EXD3: variants seen among roughly 807,000 people sequenced by gnomAD.
The protein encoded by EXD3 is exonuclease mut-7 homolog.
EXD3 carries 92 observed loss-of-function variants against 98.0 expected under a neutral mutation model. The observed-to-expected ratio is 0.94, with a 90% CI of 0.79 to 1.12. The LOEUF is 1.12. Among genes scored for constraint, EXD3 ranks in the 50% most tolerant of loss-of-function variants. The pLI, the probability that EXD3 is intolerant of heterozygous loss-of-function variation, is 0.00. For missense variants in EXD3, 1,222 were observed against 1,191.6 expected (o/e 1.03, Z -0.38); for synonymous variants, 569 against 526.0 (o/e 1.08, Z -1.12).
chr9:137,373,057 T>C lies in EXD3; in HGVS notation c.310A>G (p.Lys104Glu), dbSNP rs1014683280. The C allele has an allele frequency of 1.0e-5, 16 of 1,587,246 alleles. No individual in the cohort carries two copies. The highest frequency in any genetic ancestry group is 1.7e-4 in the Middle Eastern group (1 of 5,946). The change falls in exon 5 of 22, where the codon AAG (lysine) becomes GAG (glutamate). Residue 104 changes from lysine (K) to glutamate (E), a missense_variant. Transcript: ENST00000340951. ...TTGACCGCTCGGGCCTGCAGCTGCTTCAGCCTCAGGCTGTGCTGGAAGAGC... is the reference window on the plus strand; with the variant it reads ...TTGACCGCTCGGGCCTGCAGCTGCTCCAGCCTCAGGCTGTGCTGGAAGAGC... ...PSLAQHSLRLKQLQARAVKVL... is the reference protein window; with the variant it reads ...PSLAQHSLRLEQLQARAVKVL...
At chr9:137,330,188 C>T (rs552487212) in intron 17 of EXD3, among the ~76,000 whole-genome samples, 1 of 135,850 alleles carries the variant, frequency 7.4e-6, no homozygotes, top group Non-Finnish European at 1.6e-5. Flanking sequence ...CGGGACTACA[C>T]AGGACTACAC....
intron 17 of EXD3, among the ~76,000 whole-genome samples, chr9:137,341,532 G>A (rs1455268924): frequency 6.7e-6 from 1 of 148,180 alleles, no homozygotes; most frequent in African/African-American, 2.5e-5. Flanking sequence ...CCAGGAGTCA[G>A]AGGAAACGGG....
intron 17 of EXD3, among the ~76,000 whole-genome samples, chr9:137,343,671 C>T (rs1452145214): frequency 7.5e-6 from 1 of 134,000 alleles, no homozygotes; most frequent in African/African-American, 2.8e-5. Context: ...TCACTGCAAG[C>T]TCTGCCTCCC....
intron 6 of EXD3, among the ~76,000 whole-genome samples, chr9:137,366,904 T>G (rs1038486739): frequency 6.6e-6 from 1 of 152,198 alleles, no homozygotes; most frequent in African/African-American, 2.4e-5. Context: ...TCACCAAATG[T>G]GGGGAGGCAG....
chr9:137,404,651 G>C (rs757214358), intron 1 of EXD3, among the ~76,000 whole-genome samples: 2 of 152,136 alleles, frequency 1.3e-5, no homozygotes, highest in Non-Finnish European at 2.9e-5. Context: ...ACCTGAGGTC[G>C]GGAGTTCGAG....
At position 137,324,912 on chromosome 9, in the gene EXD3, T is replaced by G. The variant is rs1226093106; in HGVS notation, c.1999-769A>C. ...TTTCACCGTGTTAGCCAGGATGGTC[T>G]CGATCTCCTGACCTCGTGATCTGCC... On this transcript the variant is annotated intron_variant, in intron 17 of 21. Coordinates refer to ENST00000340951, the MANE Select transcript of EXD3 (RefSeq NM_017820.5). The surrounding 1 kb of genome is among the most constrained non-coding windows in gnomAD (Gnocchi z 4.1). Among the ~76,000 whole-genome samples, 2 of 152,068 alleles carry G rather than the reference T, an allele frequency of 1.3e-5. No individual in the cohort carries two copies. The highest frequency in any genetic ancestry group is 6.6e-5 in the Admixed American group (1 of 15,262).
intron 17 of EXD3, among the ~76,000 whole-genome samples, chr9:137,329,716 A>G (rs111207789): frequency 0.07 from 436 of 6,186 alleles, no homozygotes; most frequent in South Asian, 0.11. Flanking sequence ...ACTACACGGG[A>G]CTACACGGGA....
In EXD3 at chr9:137,371,566, C is replaced by A. The variant is rs956448328; in HGVS notation, c.462+1339G>T. On this transcript the variant is annotated intron_variant, in intron 5 of 21. Transcript: ENST00000340951. This position sits in a 1 kb window ranked among gnomAD's most constrained non-coding sequence, Gnocchi z 8.0. Reference sequence around the variant, plus strand: ...CGTGGGCAGGCAGCGGGGTGGTGGCCTTCACGCTCGGCCCTGAAGTAAGGG... The same window carrying A: ...CGTGGGCAGGCAGCGGGGTGGTGGCATTCACGCTCGGCCCTGAAGTAAGGG... Among the ~76,000 whole-genome samples, 3 of 152,038 alleles carry A rather than the reference C, an allele frequency of 2.0e-5. No individual in the cohort carries two copies. Among genetic ancestry groups the A allele is most frequent in the African/African-American group, 7.2e-5 (3 of 41,402 alleles).
intron 10 of EXD3, chr9:137,353,772 A>T (rs1834441527): frequency 2.0e-6 from 2 of 985,558 alleles, no homozygotes; most frequent in South Asian, 9.4e-5. Flanking sequence ...AAGGGAGGGG[A>T]CCTGCCCAGC....
chr9:137,348,469 G>A (rs961560972), intron 16 of EXD3, among the ~76,000 whole-genome samples: 1 of 147,168 alleles, frequency 6.8e-6, no homozygotes, highest in Admixed American at 6.8e-5. Context: ...TGTGTCTGGG[G>A]TGGCGTGTGT....
At chr9:137,398,817 G>A (rs113868581) in intron 1 of EXD3, among the ~76,000 whole-genome samples, 45 of 126,578 alleles carry the variant, frequency 3.6e-4, no homozygotes, top group Non-Finnish European at 5.7e-4. Context: ...ACAGGCACCC[G>A]CGTCCCCGTG....
chr9:137,327,363 G>A (rs553409345), intron 17 of EXD3, among the ~76,000 whole-genome samples: 15 of 152,228 alleles, frequency 9.9e-5, no homozygotes, highest in African/African-American at 3.6e-4. Context: ...TCGACCTCCT[G>A]ACCTTGTGAT....
chr9:137,351,403 G>C lies in EXD3; in HGVS notation c.1299C>G (p.Leu433=). The C allele has an allele frequency of 6.2e-7, 1 of 1,610,212 alleles. No homozygotes were observed. Among genetic ancestry groups the C allele is most frequent in the Non-Finnish European group, 8.5e-7 (1 of 1,179,072 alleles). ...GHVFLLDVLA[L]SQPPTGQGAQ... is the part of the protein sequence containing the mutation. ...CTCCCTGCCCTGTTGGTGGCTGCGA[G>C]AGTGCCAGGACGTCCAGAAGGAACA... The change falls in exon 13 of 22, where the codon CTC becomes CTG. Residue 433 remains leucine (L), a synonymous_variant. Transcript: ENST00000340951.
At chr9:137,313,162 C>T (rs1470520685) in intron 19 of EXD3, among the ~76,000 whole-genome samples, 2 of 152,122 alleles carry the variant, frequency 1.3e-5, no homozygotes, top group Non-Finnish European at 2.9e-5. Flanking sequence ...AAGAGGAGGG[C>T]GAGACACGAG....
chr9:137,409,611 T>G (rs989953294), intron 1 of EXD3, among the ~76,000 whole-genome samples: 1 of 150,154 alleles, frequency 6.7e-6, no homozygotes, highest in Non-Finnish European at 1.5e-5. Context: ...GAGGGAGCTG[T>G]GTCTACAAAG....
chr9:137,379,584 A>G (rs1836122839), intron 3 of EXD3, among the ~76,000 whole-genome samples: 1 of 151,936 alleles, frequency 6.6e-6, no homozygotes, highest in South Asian at 2.1e-4. Context: ...CTGAAACCAG[A>G]AGAGGTGCAC....
chr9:137,394,702 AGCG>A (rs568022803), intron 2 of EXD3, among the ~76,000 whole-genome samples: 307 of 47,366 alleles, frequency 6.5e-3, no homozygotes, highest in African/African-American at 0.018. Context: ...AGGGCAGCCG[AGCG>A]AGCGGGGATG....
chr9:137,313,603 C>G (rs1455109283), intron 19 of EXD3, among the ~76,000 whole-genome samples: 1 of 152,198 alleles, frequency 6.6e-6, no homozygotes, highest in East Asian at 1.9e-4. Context: ...CTGTCTCCTG[C>G]ACTCCTCCCT....
At position 137,349,221 on chromosome 9, in the gene EXD3, G is replaced by C. The variant is rs988276967; in HGVS notation, c.1719C>G (p.Phe573Leu). The C allele has an allele frequency of 6.3e-7, 1 of 1,579,174 alleles. No homozygotes were observed. The highest frequency in any genetic ancestry group is 2.3e-5 in the East Asian group (1 of 43,624). The change falls in exon 16 of 22, where the codon TTC (phenylalanine) becomes TTG (leucine). Residue 573 changes from phenylalanine (F) to leucine (L), a missense_variant. Transcript: ENST00000340951. The surrounding 1 kb of genome is among the most constrained non-coding windows in gnomAD (Gnocchi z 7.4). ...HQALCREPARFHLSEDLAGSR... is the reference protein window; with the variant it reads ...HQALCREPARLHLSEDLAGSR... ...TCCCAGCCAGGTCCTCCGACAGGTG[G>C]AAGCGGGCGGGCTCTCTGCACAGGG...
Sources: allele counts gnomAD v4.1 joint callset (sites outside exome capture counted in the v4.1 genomes callset), GRCh38; gene constraint gnomAD v4.1.1; non-coding constraint Gnocchi (gnomAD v3.1); transcripts MANE v1.5; gene names NCBI Gene and HGNC (gene_info 2026-07-23, HGNC 2026-07-21).